PROSER2: variants seen among roughly 807,000 people sequenced by gnomAD.
PROSER2 encodes the protein proline and serine-rich protein 2.
A neutral mutation model predicts 14.6 loss-of-function variants in PROSER2; 18 were observed. The observed-to-expected ratio is 1.23, with a 90% CI of 0.85 to 1.83. The LOEUF is 1.83. PROSER2 is among the 40% of genes most tolerant of loss of function. The pLI is 0.00. For synonymous variants in PROSER2, 367 were observed against 286.4 expected (o/e 1.28, Z -2.84); for missense variants, 823 against 629.8 (o/e 1.31, Z -3.28).
chr10:11,861,555 G>A (rs574156582), intron 2 of PROSER2, among the ~76,000 whole-genome samples: 60 of 152,278 alleles, frequency 3.9e-4, no homozygotes, highest in African/African-American at 1.3e-3. Context: ...AGATGCAGCC[G>A]TGCACGGATG....
At chr10:11,841,322 TC>T (rs1286671772) in intron 1 of PROSER2, among the ~76,000 whole-genome samples, 4 of 152,192 alleles carry the variant, frequency 2.6e-5, no homozygotes, top group African/African-American at 9.7e-5. Context: ...CTGATATTGT[TC>T]ATCCATTTTT....
Position 11,869,501 on chromosome 10 carries a change from G to A in PROSER2, c.403G>A (p.Ala135Thr). Residue 135 changes from alanine (A) to threonine (T), a missense_variant, in exon 4 of 4, where the codon GCT (alanine) becomes ACT (threonine). Ala to Thr is a moderately conservative substitution (Grantham distance 58). Transcript: ENST00000277570. This position sits in a 1 kb window ranked among gnomAD's most constrained non-coding sequence, Gnocchi z 4.4. ...EGTQAAGPAPAGKEHRKQDAE... is the reference protein window; with the variant it reads ...EGTQAAGPAPTGKEHRKQDAE... Reference sequence around the variant, plus strand: ...CCCTTGTCTTCCAGGGCCTGCACCTGCTGGGAAGGAGCACAGGAAACAAGA... The same window carrying A: ...CCCTTGTCTTCCAGGGCCTGCACCTACTGGGAAGGAGCACAGGAAACAAGA... 6.2e-7 allele frequency: 1 copy of A among 1,613,264 alleles called. No homozygotes were observed. The highest frequency in any genetic ancestry group is 8.5e-7 in the Non-Finnish European group (1 of 1,179,372).
intron 1 of PROSER2, among the ~76,000 whole-genome samples, chr10:11,833,270 G>A (rs573964248): frequency 1.6e-5 from 1 of 62,230 alleles, no homozygotes; most frequent in African/African-American, 6.5e-5. Flanking sequence ...TCTTTGCTGG[G>A]TGCAGTGGCT....
Position 11,870,556 on chromosome 10 carries a change from CTGGG to C in PROSER2, c.*151_*154del. On this transcript the variant is annotated 3_prime_UTR_variant, in exon 4 of 4. Transcript: ENST00000277570. Reference sequence around the variant, plus strand: ...CACATCGGAGTCTAGAGGTGCCTGGCTGGGGCCTCCTGGCTGAGCACGCACCGCA... The same window carrying C: ...CACATCGGAGTCTAGAGGTGCCTGGCGCCTCCTGGCTGAGCACGCACCGCA... 2 of 612,496 alleles carry C rather than the reference CTGGG, an allele frequency of 3.3e-6. No homozygotes were observed. Among genetic ancestry groups the C allele is most frequent in the Non-Finnish European group, 5.2e-6 (2 of 381,392 alleles). The allele number at this position is 612,496 out of a possible 1,614,324, so 37.9% of individuals were successfully genotyped here. A position where few individuals can be genotyped will look rare whatever the true frequency, so the allele number is the denominator to read the frequency against.
chr10:11,828,301 GAAAA>G (rs11297440), intron 1 of PROSER2, among the ~76,000 whole-genome samples: 35 of 136,264 alleles, frequency 2.6e-4, no homozygotes, highest in African/African-American at 9.7e-4. Flanking sequence ...CTCTCTGTGT[GAAAA>G]AAAAAAAAAA....
Position 11,870,890 on chromosome 10 carries a change from T to C in PROSER2, c.*484T>C, listed in dbSNP as rs1338823337. The C allele has an allele frequency of 6.1e-6, 1 of 164,332 alleles. No individual in the cohort carries two copies. The highest frequency in any genetic ancestry group is 2.4e-5 in the African/African-American group (1 of 41,480). The allele number at this position is 164,332 out of a possible 1,614,324, so 10.2% of individuals were successfully genotyped here. The stretch of plus-strand genomic sequence containing the variant: ...CTTGTTTCATTTTTTAATGTCTTAA[T>C]ATACTTGCTTTTGTTTTTGAAGGGT... On this transcript the variant is annotated 3_prime_UTR_variant, in exon 4 of 4. Transcript: ENST00000277570.
Position 11,866,872 on chromosome 10 carries a change from C to T in PROSER2, c.391+89C>T. ...CTTCTTTTGTGTTCCCCTGTGTTTG[C>T]CAGTAGAAGTTGTTGAGTCTTACCA... On this transcript the variant is annotated intron_variant, in intron 3 of 3. Transcript: ENST00000277570. This position sits in a 1 kb window ranked among gnomAD's most constrained non-coding sequence, Gnocchi z 6.0. 1 of 1,450,282 alleles carries T rather than the reference C, an allele frequency of 6.9e-7. No individual in the cohort carries two copies. The allele number at this position is 1,450,282 out of a possible 1,614,324, so 89.8% of individuals were successfully genotyped here.
rs746468756 is a variant in PROSER2 at position 11,869,665 on chromosome 10, C to T, written c.567C>T (p.Arg189=). ...SPPVEHPRLL[R]SVPTPLVMAQ... is the part of the protein sequence containing the mutation. The stretch of plus-strand genomic sequence containing the variant: ...CGGTGGAGCACCCCAGACTCCTGCG[C>T]TCTGTTCCCACGCCCCTCGTTATGG... The change falls in exon 4 of 4, where the codon CGC becomes CGT. Residue 189 remains arginine, a synonymous_variant. Coordinates refer to ENST00000277570, the MANE Select transcript of PROSER2 (RefSeq NM_153256.4). This position sits in a 1 kb window ranked among gnomAD's most constrained non-coding sequence, Gnocchi z 4.4. 94 of 1,601,102 alleles carry T rather than the reference C, an allele frequency of 5.9e-5. No individual in the cohort carries two copies. Among genetic ancestry groups the T allele is most frequent in the Non-Finnish European group, 7.6e-5 (89 of 1,174,286 alleles).
chr10:11,854,172 G>GTT (rs1360971424), intron 2 of PROSER2, among the ~76,000 whole-genome samples: 3 of 152,180 alleles, frequency 2.0e-5, no homozygotes, highest in Non-Finnish European at 2.9e-5. Flanking sequence ...CCTGTTAACT[G>GTT]TTTTCAGGCA....
rs1406737593 is a variant in PROSER2, at chr10:11,852,140, C to T, written c.63C>T (p.Cys21=). 1 of 1,613,688 alleles carries T rather than the reference C, an allele frequency of 6.2e-7. No homozygotes were observed. The highest frequency in any genetic ancestry group is 8.5e-7 in the Non-Finnish European group (1 of 1,179,864). The change falls in exon 2 of 4, where the codon TGC becomes TGT. Residue 21 remains cysteine (C), a synonymous_variant. Transcript: ENST00000277570. ...TGAACTCAGACACGTCCCCCAGCTG[C>T]AGGCTCCGAGCCTTCAGCAGAGGCG... is the stretch of plus-strand genomic sequence containing the variant. ...SDMNSDTSPS[C]RLRAFSRGGS...
rs758898664 is a variant in PROSER2, at chr10:11,862,473, C to T, written c.139-4058C>T. 1.4e-4 allele frequency among the ~76,000 whole-genome samples: 21 copies of T among 152,180 alleles called. No homozygotes were observed. The highest frequency in any genetic ancestry group is 2.2e-4 in the Non-Finnish European group (15 of 68,026). ...TTGGGAAGCTGAGGCCAGAGGACTG[C>T]CTGAGCCCAGGAGTTCAAGATCAGC... On this transcript the variant is annotated intron_variant, in intron 2 of 3. Coordinates refer to ENST00000277570, the MANE Select transcript of PROSER2 (RefSeq NM_153256.4). The surrounding 1 kb of genome is among the most constrained non-coding windows in gnomAD (Gnocchi z 4.2).
At chr10:11,842,103 T>C (rs755456391) in intron 1 of PROSER2, among the ~76,000 whole-genome samples, 3 of 151,890 alleles carry the variant, frequency 2.0e-5, no homozygotes, top group African/African-American at 4.8e-5. Flanking sequence ...GAGCCTGTGG[T>C]CCCAGCTACT....
chr10:11,843,380 C>A (rs1833877586), intron 1 of PROSER2, among the ~76,000 whole-genome samples: 1 of 147,680 alleles, frequency 6.8e-6, no homozygotes, highest in Admixed American at 6.9e-5. Context: ...TGGTGAAACC[C>A]CATCTCTACT....
intron 2 of PROSER2, chr10:11,863,063 C>G (rs1479054901): frequency 1.3e-5 from 2 of 152,214 alleles, no homozygotes; most frequent in African/African-American, 4.8e-5. Flanking sequence ...CTTATCTTCC[C>G]TAGCAATGTT....
chr10:11,844,464 T>C (rs1211535713), intron 1 of PROSER2, among the ~76,000 whole-genome samples: 3 of 152,252 alleles, frequency 2.0e-5, no homozygotes, highest in Non-Finnish European at 4.4e-5. Context: ...TTCCAAAGTT[T>C]CTTATGCATG....
At chr10:11,858,574 C>T (rs1834168785) in intron 2 of PROSER2, among the ~76,000 whole-genome samples, 1 of 152,114 alleles carries the variant, frequency 6.6e-6, no homozygotes, top group African/African-American at 2.4e-5. Context: ...TTTGAGTTTT[C>T]TGGTTTGAAT....
chr10:11,835,073 C>T (rs1289249343), intron 1 of PROSER2, among the ~76,000 whole-genome samples: 1 of 148,790 alleles, frequency 6.7e-6, no homozygotes, highest in Admixed American at 6.7e-5. Flanking sequence ...TGCCACTGCA[C>T]TCCAGCCTGG....
Position 11,862,090 on chromosome 10 carries a change from G to A in PROSER2, c.139-4441G>A, listed in dbSNP as rs767725141. On this transcript the variant is annotated intron_variant, in intron 2 of 3. Transcript: ENST00000277570. The surrounding 1 kb of genome is among the most constrained non-coding windows in gnomAD (Gnocchi z 4.2). Reference sequence around the variant, plus strand: ...TCGGACCCAGGAATGTTTCTGACAAGTTCACAGATGCTGCTTCTGGTCCAG... The same window carrying A: ...TCGGACCCAGGAATGTTTCTGACAAATTCACAGATGCTGCTTCTGGTCCAG... 1.3e-5 allele frequency among the ~76,000 whole-genome samples: 2 copies of A among 152,306 alleles called. No individual in the cohort carries two copies. Among genetic ancestry groups the A allele is most frequent in the Non-Finnish European group, 2.9e-5 (2 of 68,034 alleles).
intron 1 of PROSER2, among the ~76,000 whole-genome samples, chr10:11,844,567 T>G (rs1833897470): frequency 6.6e-6 from 1 of 152,220 alleles, no homozygotes; most frequent in Non-Finnish European, 1.5e-5. Flanking sequence ...CTTTGCATTT[T>G]TTTGCTCAGT....
Sources: gnomAD v4.1 joint callset for allele counts (sites outside exome capture counted in the v4.1 genomes callset) on GRCh38, gnomAD v4.1.1 for gene constraint, Gnocchi (gnomAD v3.1) non-coding constraint, MANE v1.5 for transcripts, NCBI Gene and HGNC (gene_info 2026-07-23, HGNC 2026-07-21) for gene names.